Variants in RIT2 observed in about 807,000 individuals in gnomAD.
The protein encoded by RIT2 is Ras like without CAAX 2.
Under a neutral mutation model 23.7 loss-of-function variants are expected in RIT2, and 24 were observed. The ratio of observed to expected loss-of-function variants is 1.01; its 90% CI spans 0.73 to 1.43. The LOEUF (loss-of-function observed/expected upper bound fraction) is 1.43. Ranked by LOEUF, RIT2 falls within the 40% of genes most tolerant of loss-of-function variation. RIT2 has a pLI of 0.00. For missense variants in RIT2, 236 were observed against 266.9 expected (o/e 0.88, Z 0.81); for synonymous variants, 107 against 91.1 (o/e 1.17, Z -0.99).
rs551362265 is a variant in RIT2, at chr18:42,970,707, G to A, written c.234+3367C>T. 5.3e-5 allele frequency among the ~76,000 whole-genome samples: 8 copies of A among 152,030 alleles called. No homozygotes were observed. The South Asian group carries it at 1.7e-3, about 32-fold the overall frequency. Reference sequence around the variant, plus strand: ...GTTTGGTTTATTACCATTAGCAATGGTAATGGTTTATTAATATTAGGTTAT... The same window carrying A: ...GTTTGGTTTATTACCATTAGCAATGATAATGGTTTATTAATATTAGGTTAT... On this transcript the variant is annotated intron_variant, in intron 3 of 4. Transcript: ENST00000326695.
intron 4 of RIT2, among the ~76,000 whole-genome samples, chr18:42,774,673 T>C (rs910938863): frequency 2.0e-5 from 3 of 151,880 alleles, no homozygotes; most frequent in Non-Finnish European, 4.4e-5. Flanking sequence ...CATGGAGAGA[T>C]AGCCTTACTC....
intron 1 of RIT2, among the ~76,000 whole-genome samples, chr18:43,049,708 T>G (rs953878100): frequency 2.0e-5 from 3 of 152,196 alleles, no homozygotes; most frequent in South Asian, 2.1e-4. Flanking sequence ...GTATTAATAG[T>G]TAATGATGCA....
At chr18:42,942,848 A>C (rs1424359881) in intron 3 of RIT2, among the ~76,000 whole-genome samples, 1 of 152,194 alleles carries the variant, frequency 6.6e-6, no homozygotes, top group African/African-American at 2.4e-5. Context: ...TAAATGTTTG[A>C]CAATAAATGA....
At chr18:42,835,304 T>C (rs934585441) in intron 4 of RIT2, among the ~76,000 whole-genome samples, 4 of 151,846 alleles carry the variant, frequency 2.6e-5, no homozygotes, top group African/African-American at 7.2e-5. Flanking sequence ...ACTACAGTAA[T>C]CATTTACACA....
intron 2 of RIT2, among the ~76,000 whole-genome samples, chr18:43,015,109 T>A (rs1375561131): frequency 6.6e-6 from 1 of 151,754 alleles, no homozygotes; most frequent in Non-Finnish European, 1.5e-5. Flanking sequence ...GAAGTACTTA[T>A]GAAATGTTGA....
At chr18:42,962,447 G>A (rs518502) in intron 3 of RIT2, among the ~76,000 whole-genome samples, 54,032 of 152,052 alleles carry the variant, frequency 0.36, 13,199 homozygotes, top group African/African-American at 0.69. Context: ...TTTAACTTTC[G>A]TTTGAAACTT....
At chr18:42,903,178 C>T (rs767325624) in intron 4 of RIT2, among the ~76,000 whole-genome samples, 16 of 151,856 alleles carry the variant, frequency 1.1e-4, no homozygotes, top group South Asian at 2.1e-4. Flanking sequence ...CACTAAGGTG[C>T]GATATGTTAA....
At chr18:42,861,337 T>C (rs1207105409) in intron 4 of RIT2, among the ~76,000 whole-genome samples, 1 of 152,198 alleles carries the variant, frequency 6.6e-6, no homozygotes, top group Non-Finnish European at 1.5e-5. Flanking sequence ...CTCTGAAATA[T>C]GCTTGACCTT....
At chr18:42,927,264 GAT>G (rs1050117583) in intron 3 of RIT2, among the ~76,000 whole-genome samples, 1 of 151,660 alleles carries the variant, frequency 6.6e-6, no homozygotes, top group Non-Finnish European at 1.5e-5. Flanking sequence ...CAATAAAACA[GAT>G]GTAATGAAGC....
chr18:42,883,190 C>A (rs1314003588), intron 4 of RIT2, among the ~76,000 whole-genome samples: 1 of 151,798 alleles, frequency 6.6e-6, no homozygotes, highest in Non-Finnish European at 1.5e-5. Flanking sequence ...CCCAGGCAGA[C>A]CTGGTGTGCT....
At chr18:43,076,658 G>C (rs1056488515) in intron 1 of RIT2, among the ~76,000 whole-genome samples, 1 of 152,226 alleles carries the variant, frequency 6.6e-6, no homozygotes, top group East Asian at 1.9e-4. Context: ...ATTTGATTGA[G>C]GTCCATAGAT....
chr18:42,864,905 G>A (rs939344480), intron 4 of RIT2, among the ~76,000 whole-genome samples: 12 of 152,142 alleles, frequency 7.9e-5, no homozygotes, highest in Non-Finnish European at 1.6e-4. Flanking sequence ...GTATGGAAAT[G>A]TATGCCTTGT....
intron 4 of RIT2, among the ~76,000 whole-genome samples, chr18:42,828,405 A>C (rs16976993): frequency 0.14 from 21,958 of 152,164 alleles, 1,660 homozygotes; most frequent in Middle Eastern, 0.26. Context: ...TAGGTGACTA[A>C]ATTGTTTAAA....
intron 2 of RIT2, among the ~76,000 whole-genome samples, chr18:42,975,200 TCTA>T (rs1473864887): frequency 1.3e-5 from 2 of 152,086 alleles, no homozygotes; most frequent in Non-Finnish European, 2.9e-5. Flanking sequence ...TTTGTATTTC[TCTA>T]CTGATTAGTG....
intron 1 of RIT2, among the ~76,000 whole-genome samples, chr18:43,092,864 C>T (rs1394433639): frequency 4.6e-5 from 7 of 151,870 alleles, no homozygotes; most frequent in African/African-American, 1.7e-4. Flanking sequence ...CTCTCTTGGG[C>T]CAGTCTGGAA....
chr18:42,920,943 T>C (rs927072460), intron 4 of RIT2, among the ~76,000 whole-genome samples: 2 of 141,152 alleles, frequency 1.4e-5, no homozygotes, highest in Admixed American at 1.4e-4. Flanking sequence ...TTGAGTCTGC[T>C]TTTTTTTTTT....
chr18:42,996,540 C>T (rs1014380784), intron 2 of RIT2, among the ~76,000 whole-genome samples: 1 of 152,012 alleles, frequency 6.6e-6, no homozygotes, highest in Non-Finnish European at 1.5e-5. Flanking sequence ...TAACTGATGA[C>T]AATATCTTGT....
rs139159532 is a variant in RIT2 at position 42,768,420 on chromosome 18, C to T, written c.427-24700G>A. ...ATCCTGGGCACAGGTGTAGTGATAA[C>T]TCTTCAAAAGCTCTTTGCATAACTA... On this transcript the variant is annotated intron_variant, in intron 4 of 4. Coordinates refer to ENST00000326695, the MANE Select transcript of RIT2 (RefSeq NM_002930.4). 5.9e-5 allele frequency among the ~76,000 whole-genome samples: 9 copies of T among 152,288 alleles called. No homozygotes were observed. The East Asian group carries it at 1.7e-3, about 29-fold the overall frequency.
At chr18:43,039,085 G>A (rs990497625) in intron 1 of RIT2, among the ~76,000 whole-genome samples, 1 of 152,054 alleles carries the variant, frequency 6.6e-6, no homozygotes, top group African/African-American at 2.4e-5. Context: ...ATCTCCCTGA[G>A]AAGCAGATTG....
Sources: gnomAD v4.1 joint callset for allele counts (sites outside exome capture counted in the v4.1 genomes callset) on GRCh38, gnomAD v4.1.1 for gene constraint, MANE v1.5 for transcripts, NCBI Gene and HGNC (gene_info 2026-07-23, HGNC 2026-07-21) for gene names.